The following ITSN2 variants were observed in gnomAD, a reference collection of about 807,000 sequenced individuals.
The protein encoded by ITSN2 is intersectin 2, also known as intersectin-2.
In ITSN2, 156 loss-of-function variants were observed where a neutral mutation model predicts 243.7. The observed-to-expected ratio is 0.64, with a 90% confidence interval of 0.56 to 0.73. The LOEUF (loss-of-function observed/expected upper bound fraction) is 0.73. ITSN2 is among the 30% of genes least tolerant of loss of function. ITSN2 has a pLI of 0.00. For missense variants in ITSN2, 1,801 were observed against 1,996.1 expected (o/e 0.90, Z 1.86); for synonymous variants, 703 against 699.9 (o/e 1.00, Z -0.07).
At chr2:24,322,707 A>G (rs1348954011) in intron 2 of ITSN2, among the ~76,000 whole-genome samples, 1 of 152,238 alleles carries the variant, frequency 6.6e-6, no homozygotes, top group Non-Finnish European at 1.5e-5. Flanking sequence ...AATCATTAAA[A>G]TATTTTGACA....
chr2:24,354,407 T>C (rs1688272424), intron 1 of ITSN2, among the ~76,000 whole-genome samples: 1 of 152,240 alleles, frequency 6.6e-6, no homozygotes, highest in Admixed American at 6.5e-5. Flanking sequence ...AAAAGGCTAA[T>C]TTCCTTTCCA....
intron 31 of ITSN2, among the ~76,000 whole-genome samples, chr2:24,217,162 T>C (rs1172639045): frequency 1.3e-5 from 2 of 151,168 alleles, no homozygotes; most frequent in African/African-American, 2.4e-5. Flanking sequence ...GGCAGGAGAA[T>C]GGTGTGAACC....
At chr2:24,337,315 A>AATATATATATATATATATATATATAT (rs201712131) in intron 1 of ITSN2, among the ~76,000 whole-genome samples, 23 of 31,988 alleles carry the variant, frequency 7.2e-4, no homozygotes, top group East Asian at 1.0e-3. Flanking sequence ...GTATACACAA[A>AATATATATATATATATATATATATAT]ATATATATAT....
intron 1 of ITSN2, among the ~76,000 whole-genome samples, chr2:24,353,716 T>C (rs1688214846): frequency 6.6e-6 from 1 of 152,180 alleles, no homozygotes; most frequent in Non-Finnish European, 1.5e-5. Context: ...TGTGAAAACA[T>C]ATATCAAGAG....
In ITSN2 at chr2:24,250,617, A is replaced by C. The variant is rs1333006843; in HGVS notation, c.3120+1728T>G. On this transcript the variant is annotated intron_variant, in intron 25 of 39. Coordinates refer to ENST00000355123, the MANE Select transcript of ITSN2 (RefSeq NM_006277.3). ...GGGTAAAAGATCCACTCAACATGCAAAACAGACTAGTGAATTTTAATGTAA... is the reference window on the plus strand; with the variant it reads ...GGGTAAAAGATCCACTCAACATGCACAACAGACTAGTGAATTTTAATGTAA... Among the ~76,000 whole-genome samples the C allele has an allele frequency of 3.3e-5, 5 of 152,228 alleles. 1 individual carries two copies. The highest frequency in any genetic ancestry group is 7.3e-5 in the Non-Finnish European group (5 of 68,038).
At chr2:24,227,731 G>A (rs928810835) in intron 29 of ITSN2, among the ~76,000 whole-genome samples, 3 of 152,066 alleles carry the variant, frequency 2.0e-5, no homozygotes, top group African/African-American at 7.2e-5. Context: ...GACCAGCCTG[G>A]CCAACAGGGT....
chr2:24,301,089 T>C (rs373479844), intron 11 of ITSN2, 65 bp downstream of exon 11: 2 of 848,544 alleles, frequency 2.4e-6, no homozygotes, highest in Admixed American at 2.4e-5. Flanking sequence ...AAATATTCCA[T>C]TACATTTAAA....
intron 1 of ITSN2, among the ~76,000 whole-genome samples, chr2:24,345,952 A>C (rs1045820274): frequency 6.6e-6 from 1 of 152,150 alleles, no homozygotes; most frequent in Non-Finnish European, 1.5e-5. Flanking sequence ...TCTATGATTT[A>C]AGGGTTTTAT....
At chr2:24,264,456 C>T (rs992460046) in intron 20 of ITSN2, among the ~76,000 whole-genome samples, 16 of 151,030 alleles carry the variant, frequency 1.1e-4, no homozygotes, top group South Asian at 8.4e-4. Flanking sequence ...AACTGAAAAA[C>T]TTTGAGTAAC....
rs528911387 is a variant in ITSN2, at chr2:24,265,879, C to T, written c.2356-4137G>A. Reference sequence around the variant, plus strand: ...ATTACATGGTTTAGAGGAAATACTACAGACTTGAGAGTTAAAAGAACCACA... The same window carrying T: ...ATTACATGGTTTAGAGGAAATACTATAGACTTGAGAGTTAAAAGAACCACA... On this transcript the variant is annotated intron_variant, in intron 20 of 39. Coordinates refer to ENST00000355123, the MANE Select transcript of ITSN2 (RefSeq NM_006277.3). Among the ~76,000 whole-genome samples the T allele has an allele frequency of 2.6e-4, 39 of 152,308 alleles. No homozygotes were observed. In the South Asian group the frequency reaches 8.1e-3, roughly 32 times the overall value.
In ITSN2 at chr2:24,246,155, G is replaced by A. The variant is rs200963427; in HGVS notation, c.3551C>T (p.Thr1184Met). The part of the protein sequence containing the change: ...GLFPSNYVKM[T>M]TDSDPSQQWC... Reference sequence around the variant, plus strand: ...CTGTTGACTTGGATCTGAGTCTGTCGTCATCTTAACGTAGTTTGAAGGAAA... The same window carrying A: ...CTGTTGACTTGGATCTGAGTCTGTCATCATCTTAACGTAGTTTGAAGGAAA... The change falls in exon 29 of 40, where the codon ACG becomes ATG. Residue 1184 changes from threonine (T) to methionine (M), a missense_variant. Physicochemically the swap from Thr to Met is moderately conservative, Grantham distance 81. This residue lies in a region of ITSN2 where 928 missense variants were observed against 1,065.4 expected (regional missense o/e 0.87). Transcript: ENST00000355123. The A allele has an allele frequency of 3.7e-5, 59 of 1,612,110 alleles. No homozygotes were observed. The highest frequency in any genetic ancestry group is 6.7e-5 in the African/African-American group (5 of 74,770).
intron 1 of ITSN2, among the ~76,000 whole-genome samples, chr2:24,345,283 T>C (rs1039577206): frequency 2.0e-5 from 3 of 152,306 alleles, no homozygotes; most frequent in Non-Finnish European, 2.9e-5. Flanking sequence ...ATTTTTACTG[T>C]ACAAATAATT....
chr2:24,306,549 C>T (rs143134165), intron 8 of ITSN2, among the ~76,000 whole-genome samples: 4 of 152,276 alleles, frequency 2.6e-5, no homozygotes, highest in Non-Finnish European at 4.4e-5. Context: ...TTGGTTTTAT[C>T]GCTTTAAAGT....
chr2:24,220,882 G>A (rs1337147743), intron 30 of ITSN2, 63 bp downstream of exon 30: 1 of 1,523,784 alleles, frequency 6.6e-7, no homozygotes, highest in East Asian at 2.5e-5. Flanking sequence ...TGAGTCTGAT[G>A]CCCACCATCT....
chr2:24,310,145 T>C, intron 7 of ITSN2, 139 bp downstream of exon 7: 1 of 544,872 alleles, frequency 1.8e-6, no homozygotes, highest in East Asian at 2.9e-5. Flanking sequence ...GAGTTGTAAG[T>C]AGTAAATTTA....
chr2:24,282,499 GA>G (rs1678914438), intron 17 of ITSN2, among the ~76,000 whole-genome samples: 1 of 152,206 alleles, frequency 6.6e-6, no homozygotes, highest in African/African-American at 2.4e-5. Flanking sequence ...CTGGGATACA[GA>G]AATCCCTCTG....
At chr2:24,310,835 G>GGCTC in intron 5 of ITSN2, 143 bp from the exon 6 acceptor site, 1 of 667,778 alleles carries the variant, frequency 1.5e-6, no homozygotes, top group Non-Finnish European at 2.6e-6. Context: ...TCACTACTTT[G>GGCTC]ACCCAGCAGT....
In ITSN2 at chr2:24,204,535, G is replaced by T. The variant is rs115871427; in HGVS notation, c.4763-117C>A. Reference sequence around the variant, plus strand: ...TAATGGGTCACTCGAGACCATGGCAGCAGGAGCCGCTGCCTGGGGCACCAT... The same window carrying T: ...TAATGGGTCACTCGAGACCATGGCATCAGGAGCCGCTGCCTGGGGCACCAT... On this transcript the variant is annotated intron_variant, in intron 38 of 39. Coordinates refer to ENST00000355123, the MANE Select transcript of ITSN2 (RefSeq NM_006277.3). The surrounding 1 kb of genome is among the most constrained non-coding windows in gnomAD (Gnocchi z 5.1). 2,187 of 910,660 alleles carry T rather than the reference G, an allele frequency of 2.4e-3. 35 individuals carry two copies. The African/African-American group carries it at 0.032, about 13-fold the overall frequency. 56.4% of individuals were successfully genotyped at this position (910,660 alleles called of 1,614,324 possible). A position where few individuals can be genotyped will look rare whatever the true frequency, so the allele number is the denominator to read the frequency against.
At chr2:24,280,971 G>GT (rs1232481361) in intron 17 of ITSN2, among the ~76,000 whole-genome samples, 5 of 152,126 alleles carry the variant, frequency 3.3e-5, no homozygotes, top group Admixed American at 6.5e-5. Context: ...TTCTTCAAAC[G>GT]TAAGTTCTTA....
Sources: allele counts gnomAD v4.1 joint callset (sites outside exome capture counted in the v4.1 genomes callset), GRCh38; gene constraint gnomAD v4.1.1; regional missense constraint gnomAD v4.1.1; non-coding constraint Gnocchi (gnomAD v3.1); transcripts MANE v1.5; gene names NCBI Gene and HGNC (gene_info 2026-07-23, HGNC 2026-07-21).